CAMTA1: variants seen among roughly 807,000 people sequenced by gnomAD.
CAMTA1 encodes calmodulin binding transcription activator 1.
CAMTA1 carries 27 observed loss-of-function variants against 170.9 expected under a neutral mutation model. The ratio of observed to expected loss-of-function variants is 0.16; its 90% confidence interval spans 0.12 to 0.22. CAMTA1 has a LOEUF of 0.22. CAMTA1 is among the 10% of genes least tolerant of loss of function. The probability of loss-of-function intolerance (pLI) is 1.00; values close to 1 mark genes in which losing one functional copy is unlikely to be tolerated. For synonymous variants in CAMTA1, 833 were observed against 891.5 expected (o/e 0.93, Z 1.17); for missense variants, 1,619 against 2,217.2 (o/e 0.73, Z 5.42).
intron 11 of CAMTA1, among the ~76,000 whole-genome samples, chr1:7,703,677 CTG>C (rs1443568264): frequency 6.6e-5 from 10 of 152,296 alleles, no homozygotes; most frequent in African/African-American, 2.4e-4. Context: ...AGATAATTGA[CTG>C]TATCTATATA....
intron 5 of CAMTA1, among the ~76,000 whole-genome samples, chr1:7,399,816 C>A (rs943814206): frequency 2.0e-5 from 3 of 152,170 alleles, no homozygotes; most frequent in African/African-American, 7.2e-5. Flanking sequence ...TCCTGGTCTG[C>A]AAGGTTTGTG....
intron 3 of CAMTA1, among the ~76,000 whole-genome samples, chr1:6,948,787 C>G (rs1687976740): frequency 6.6e-6 from 1 of 152,146 alleles, no homozygotes; most frequent in Admixed American, 6.5e-5. Context: ...GGCAGGGTCT[C>G]CCCTCAAACC....
chr1:6,883,294 G>A (rs898530658), intron 3 of CAMTA1, among the ~76,000 whole-genome samples: 2 of 151,998 alleles, frequency 1.3e-5, no homozygotes, highest in Non-Finnish European at 2.9e-5. Flanking sequence ...GTAGCGGGGC[G>A]ATCGTTGGTG....
chr1:7,197,677 C>CACACAA (rs1655812874), intron 4 of CAMTA1, among the ~76,000 whole-genome samples: 2 of 142,660 alleles, frequency 1.4e-5, no homozygotes, highest in Non-Finnish European at 1.5e-5. Context: ...CACACACACA[C>CACACAA]AATCTACTTG....
chr1:7,457,964 A>G (rs2092999386), intron 5 of CAMTA1, among the ~76,000 whole-genome samples: 1 of 152,046 alleles, frequency 6.6e-6, no homozygotes. Flanking sequence ...AGAGGCCCGC[A>G]GGCACTTTCT....
chr1:6,837,383 T>A (rs11576412), intron 3 of CAMTA1, among the ~76,000 whole-genome samples: 30,461 of 151,780 alleles, frequency 0.2, 3,625 homozygotes, highest in Non-Finnish European at 0.26. Flanking sequence ...AAGGGGAGGC[T>A]CCCCCTGGGA....
At position 7,270,289 on chromosome 1, in the gene CAMTA1, A is replaced by ATTT. The variant is rs1395986038; in HGVS notation, c.438+20664_438+20665insTTT. ...CACACACACACATATATATATATAT[A>ATTT]TATTTTTTTTTTTTTTTCTTGTGAG... On this transcript the variant is annotated intron_variant, in intron 5 of 22. Coordinates refer to ENST00000303635, the MANE Select transcript of CAMTA1 (RefSeq NM_015215.4). 6.0e-4 allele frequency among the ~76,000 whole-genome samples: 68 copies of ATTT among 112,728 alleles called. 1 individual carries two copies. The highest frequency in any genetic ancestry group is 5.3e-3 in the East Asian group (20 of 3,788). The allele number at this position is 112,728 out of a possible 152,430, so 74.0% of individuals were successfully genotyped here.
chr1:7,549,706 G>A (rs936739183), intron 6 of CAMTA1, among the ~76,000 whole-genome samples: 7 of 152,170 alleles, frequency 4.6e-5, no homozygotes, highest in Non-Finnish European at 1.0e-4. Context: ...ACACCTGTGG[G>A]CCGGGAGAGA....
chr1:7,752,870 C>A (rs774991912), intron 21 of CAMTA1, among the ~76,000 whole-genome samples: 1 of 152,182 alleles, frequency 6.6e-6, no homozygotes, highest in Non-Finnish European at 1.5e-5. Context: ...GCAGTATGTT[C>A]TTTGCTCTAA....
chr1:7,637,234 G>A (rs539402345), intron 6 of CAMTA1, among the ~76,000 whole-genome samples: 162 of 152,324 alleles, frequency 1.1e-3, no homozygotes, highest in African/African-American at 3.4e-3. Flanking sequence ...TGCCCAGCAC[G>A]ACTGTGGGGC....
chr1:7,627,039 T>C (rs751808865), intron 6 of CAMTA1, among the ~76,000 whole-genome samples: 21 of 152,290 alleles, frequency 1.4e-4, no homozygotes, highest in Non-Finnish European at 2.1e-4. Context: ...AGTGATCCCA[T>C]TGGCCCAAGG....
intron 11 of CAMTA1, among the ~76,000 whole-genome samples, chr1:7,729,720 G>A (rs1307602285): frequency 2.0e-5 from 3 of 152,180 alleles, no homozygotes; most frequent in Admixed American, 6.5e-5. Flanking sequence ...TGGAAAATGA[G>A]GATAATAACA....
At chr1:7,015,741 T>C (rs1202642404) in intron 3 of CAMTA1, among the ~76,000 whole-genome samples, 1 of 152,190 alleles carries the variant, frequency 6.6e-6, no homozygotes, top group African/African-American at 2.4e-5. Flanking sequence ...TTCTGCAGGC[T>C]GTACAGGAAG....
At chr1:7,503,684 G>A (rs770551133) in intron 6 of CAMTA1, among the ~76,000 whole-genome samples, 1 of 152,220 alleles carries the variant, frequency 6.6e-6, no homozygotes, top group Non-Finnish European at 1.5e-5. Context: ...CTCTCTCAGG[G>A]TAGTTTCCCA....
chr1:7,434,803 G>A (rs1396393688), intron 5 of CAMTA1, among the ~76,000 whole-genome samples: 1 of 150,980 alleles, frequency 6.6e-6, no homozygotes, highest in African/African-American at 2.4e-5. Flanking sequence ...CACTCTGGGA[G>A]ACCGAGGCAG....
intron 6 of CAMTA1, among the ~76,000 whole-genome samples, chr1:7,569,533 ACAT>A (rs2095099270): frequency 6.7e-6 from 1 of 150,196 alleles, no homozygotes; most frequent in African/African-American, 2.5e-5. Context: ...TCATTCTCCA[ACAT>A]CATCATCACC....
chr1:7,350,634 A>C (rs751487947), intron 5 of CAMTA1, among the ~76,000 whole-genome samples: 3 of 152,046 alleles, frequency 2.0e-5, no homozygotes, highest in Admixed American at 1.3e-4. Context: ...CTTTTCACTG[A>C]GTCACAATCT....
At chr1:7,177,580 C>T (rs1474281508) in intron 4 of CAMTA1, among the ~76,000 whole-genome samples, 1 of 146,638 alleles carries the variant, frequency 6.8e-6, no homozygotes, top group Admixed American at 6.8e-5. Context: ...TGCATCAAAA[C>T]TCTCCCCATA....
intron 6 of CAMTA1, among the ~76,000 whole-genome samples, chr1:7,619,080 G>C (rs2095579401): frequency 6.6e-6 from 1 of 152,200 alleles, no homozygotes; most frequent in Non-Finnish European, 1.5e-5. Flanking sequence ...AGGCTTCACA[G>C]TTCACCCAAT....
Sources: allele counts gnomAD v4.1 joint callset (sites outside exome capture counted in the v4.1 genomes callset), GRCh38; gene constraint gnomAD v4.1.1; transcripts MANE v1.5; gene names NCBI Gene and HGNC (gene_info 2026-07-23, HGNC 2026-07-21).